SRRM3: variants seen among roughly 807,000 people sequenced by gnomAD.
SRRM3 encodes serine/arginine repetitive matrix protein 3.
In SRRM3, 27 loss-of-function variants were observed where a neutral mutation model predicts 66.2. The ratio of observed to expected loss-of-function variants is 0.41; its 90% CI spans 0.30 to 0.56. The LOEUF (loss-of-function observed/expected upper bound fraction) is 0.56, where lower values mean the gene tolerates loss of function less well. Ranked by LOEUF, SRRM3 falls within the 20% of genes least tolerant of loss-of-function variation. The probability of loss-of-function intolerance (pLI) is 0.32; values close to 1 mark genes in which losing one functional copy is unlikely to be tolerated. For synonymous variants in SRRM3, 391 were observed against 414.9 expected (o/e 0.94, Z 0.70); for missense variants, 918 against 991.9 (o/e 0.93, Z 1.00).
intron 2 of SRRM3, among the ~76,000 whole-genome samples, chr7:76,240,849 C>A (rs1801276829): frequency 6.6e-6 from 1 of 151,884 alleles, no homozygotes; most frequent in South Asian, 2.1e-4. Flanking sequence ...ATCACTGCCC[C>A]CTATTCCCCC....
At position 76,264,862 on chromosome 7, in the gene SRRM3, G is replaced by T. The variant is rs111440768; in HGVS notation, c.725+47G>T. 1.9e-4 allele frequency: 302 copies of T among 1,591,562 alleles called. 2 individuals are homozygous for T. In the African/African-American group the frequency reaches 3.1e-3, roughly 16 times the overall value. ...CAGCCCCCCATTCGTTCTCCCTCCC[G>T]CCCCAGCAAACTACGCCTTTTAGAA... On this transcript the variant is annotated intron_variant, in intron 9 of 14. Coordinates refer to ENST00000611745, the MANE Select transcript of SRRM3 (RefSeq NM_001110199.3).
chr7:76,230,743 T>G (rs1453329667), intron 1 of SRRM3, among the ~76,000 whole-genome samples: 1 of 129,908 alleles, frequency 7.7e-6, no homozygotes, highest in Non-Finnish European at 1.6e-5. Flanking sequence ...CAATAATTTC[T>G]TTTACTTACT....
Position 76,285,009 on chromosome 7 carries a change from C to T in SRRM3, c.1734-606C>T, listed in dbSNP as rs1376411208. Among the ~76,000 whole-genome samples, 1 of 152,164 alleles carries T rather than the reference C, an allele frequency of 6.6e-6. No individual in the cohort carries two copies. The highest frequency in any genetic ancestry group is 1.9e-4 in the East Asian group (1 of 5,190). On this transcript the variant is annotated intron_variant, in intron 14 of 14. Transcript: ENST00000611745. This position sits in a 1 kb window ranked among gnomAD's most constrained non-coding sequence, Gnocchi z 4.1. ...CAGGGCTGGGACGTAGTCACAGACA[C>T]TTACACGCCAGCTTGGGTGATGGGA...
intron 8 of SRRM3, among the ~76,000 whole-genome samples, chr7:76,262,613 G>A (rs1287531381): frequency 6.6e-6 from 1 of 151,594 alleles, no homozygotes; most frequent in African/African-American, 2.4e-5. Flanking sequence ...TTTGAAGTCA[G>A]GACTTTGAGA....
At chr7:76,212,409 G>C (rs554422672) in intron 1 of SRRM3, among the ~76,000 whole-genome samples, 2 of 149,960 alleles carry the variant, frequency 1.3e-5, no homozygotes, top group African/African-American at 4.9e-5. Flanking sequence ...CTCCCACCTC[G>C]GCCTCCCAAA....
Position 76,281,641 on chromosome 7 carries a change from C to CCGCCGCAGGGGTCGCCGG in SRRM3, c.1214_1231dup (p.Arg405_Arg410dup). On this transcript the variant is annotated inframe_insertion, in exon 12 of 15. Transcript: ENST00000611745. The stretch of plus-strand genomic sequence containing the variant: ...GCTCGCGGTCCTCGGCGTCCGCGCC[C>CCGCCGCAGGGGTCGCCGG]CGCCGCAGGGGTCGCCGGCGCCCCC... 2 of 974,266 alleles carry CCGCCGCAGGGGTCGCCGG rather than the reference C, an allele frequency of 2.1e-6. No individual in the cohort carries two copies. The highest frequency in any genetic ancestry group is 2.4e-6 in the Non-Finnish European group (2 of 822,436). 60.4% of individuals were successfully genotyped at this position (974,266 alleles called of 1,614,324 possible).
At chr7:76,246,871 T>C (rs1235900661) in intron 2 of SRRM3, among the ~76,000 whole-genome samples, 1 of 152,250 alleles carries the variant, frequency 6.6e-6, no homozygotes, top group Non-Finnish European at 1.5e-5. Flanking sequence ...TTTTGAATCC[T>C]GGCACCTCCC....
chr7:76,242,487 C>CAA (rs139730192), intron 2 of SRRM3, among the ~76,000 whole-genome samples: 3 of 138,122 alleles, frequency 2.2e-5, no homozygotes, highest in African/African-American at 8.1e-5. Context: ...CTCTGTTTCC[C>CAA]AAAAAAAAAA....
At chr7:76,204,591 A>T (rs1800250276) in intron 1 of SRRM3, among the ~76,000 whole-genome samples, 1 of 152,132 alleles carries the variant, frequency 6.6e-6, no homozygotes, top group African/African-American at 2.4e-5. Context: ...CCAGGGCGAG[A>T]ATCAATCCAG....
intron 1 of SRRM3, among the ~76,000 whole-genome samples, chr7:76,232,737 C>T (rs779126163): frequency 8.6e-5 from 13 of 151,770 alleles, no homozygotes; most frequent in East Asian, 1.9e-4. Context: ...GTGTGTGGTG[C>T]GGAGTGGTGG....
chr7:76,272,232 C>T (rs1003273344), intron 11 of SRRM3, among the ~76,000 whole-genome samples: 1 of 152,106 alleles, frequency 6.6e-6, no homozygotes, highest in African/African-American at 2.4e-5. Context: ...TCCCAGGGGC[C>T]ACCTGCTCAC....
chr7:76,281,416 C>G (rs782079813), intron 11 of SRRM3, 25 bp from the exon 12 acceptor site: 20 of 1,225,552 alleles, frequency 1.6e-5, no homozygotes, highest in Non-Finnish European at 1.9e-5. Context: ...CCCCTCCGTG[C>G]CCTGTCTGCC....
At chr7:76,237,479 G>A (rs781821887) in intron 2 of SRRM3, among the ~76,000 whole-genome samples, 3 of 152,230 alleles carry the variant, frequency 2.0e-5, no homozygotes, top group Non-Finnish European at 4.4e-5. Flanking sequence ...GGAGGCTGAA[G>A]CAGGAGAATC....
intron 1 of SRRM3, among the ~76,000 whole-genome samples, chr7:76,227,024 C>T (rs1312378849): frequency 6.6e-6 from 1 of 152,064 alleles, no homozygotes; most frequent in Admixed American, 6.6e-5. Flanking sequence ...GGTCTCACAG[C>T]CAATCAGTGG....
At chr7:76,243,017 G>T (rs1402709691) in intron 2 of SRRM3, among the ~76,000 whole-genome samples, 13 of 152,096 alleles carry the variant, frequency 8.5e-5, no homozygotes, top group African/African-American at 3.1e-4. Flanking sequence ...CCATGGGGAG[G>T]GCACCAAGCC....
At chr7:76,206,199 G>A (rs1800299064) in intron 1 of SRRM3, among the ~76,000 whole-genome samples, 1 of 152,142 alleles carries the variant, frequency 6.6e-6, no homozygotes, top group Non-Finnish European at 1.5e-5. Context: ...TTAGAGATGG[G>A]GTCTCACTAT....
Position 76,281,638 on chromosome 7 carries a change from G to A in SRRM3, c.1206G>A (p.Ala402=), listed in dbSNP as rs1802511663. Residue 402 remains alanine, a synonymous_variant, in exon 12 of 15, where the codon GCG becomes GCA. Transcript: ENST00000611745. ...RRRRSRSSAS[A]PRRRGRRRPR... Reference sequence around the variant, plus strand: ...GGCGCTCGCGGTCCTCGGCGTCCGCGCCCCGCCGCAGGGGTCGCCGGCGCC... The same window carrying A: ...GGCGCTCGCGGTCCTCGGCGTCCGCACCCCGCCGCAGGGGTCGCCGGCGCC... 1.0e-6 allele frequency: 1 copy of A among 973,696 alleles called. No individual in the cohort carries two copies. Among genetic ancestry groups the A allele is most frequent in the Non-Finnish European group, 1.2e-6 (1 of 822,026 alleles). The allele number at this position is 973,696 out of a possible 1,614,324, so 60.3% of individuals were successfully genotyped here. A position where few individuals can be genotyped will look rare whatever the true frequency, so the allele number is the denominator to read the frequency against.
chr7:76,214,304 T>A (rs139840697), intron 1 of SRRM3, among the ~76,000 whole-genome samples: 76 of 152,266 alleles, frequency 5.0e-4, no homozygotes, highest in Middle Eastern at 6.8e-3. Context: ...GGGGCTCACC[T>A]GTTCCCAGGG....
rs1554612736 is a variant in SRRM3 at position 76,285,773 on chromosome 7, C to T, written c.1892C>T (p.Thr631Ile). ...SSRSHGTRSR[T>I]RSPSRTPSPS... ...CGCAGCCATGGGACCCGCAGCCGGACACGCAGCCCCTCGAGGACCCCCAGT... is the reference window on the plus strand; with the variant it reads ...CGCAGCCATGGGACCCGCAGCCGGATACGCAGCCCCTCGAGGACCCCCAGT... The change falls in exon 15 of 15, where the codon ACA becomes ATA. Residue 631 changes from threonine (T) to isoleucine (I), a missense_variant. Coordinates refer to ENST00000611745, the MANE Select transcript of SRRM3 (RefSeq NM_001110199.3). This position sits in a 1 kb window ranked among gnomAD's most constrained non-coding sequence, Gnocchi z 4.1. 4 of 1,550,888 alleles carry T rather than the reference C, an allele frequency of 2.6e-6. No individual in the cohort carries two copies. Among genetic ancestry groups the T allele is most frequent in the Non-Finnish European group, 3.5e-6 (4 of 1,147,102 alleles).
Sources: allele counts gnomAD v4.1 joint callset (sites outside exome capture counted in the v4.1 genomes callset), GRCh38; gene constraint gnomAD v4.1.1; non-coding constraint Gnocchi (gnomAD v3.1); transcripts MANE v1.5; gene names NCBI Gene and HGNC (gene_info 2026-07-23, HGNC 2026-07-21).